Variants in HDAC9 observed in about 807,000 individuals in gnomAD.
HDAC9 encodes histone deacetylase 9, also known as MEF-2 interacting transcription repressor (MITR) protein.
Under a neutral mutation model 139.4 loss-of-function variants are expected in HDAC9, and 41 were observed. The observed-to-expected ratio is 0.29, with a 90% CI of 0.23 to 0.38. The LOEUF (loss-of-function observed/expected upper bound fraction) is 0.38. Among genes scored for constraint, HDAC9 ranks in the 10% least tolerant of loss-of-function variants. The probability of loss-of-function intolerance (pLI) is 1.00; values close to 1 mark genes in which losing one functional copy is unlikely to be tolerated. For missense variants in HDAC9, 1,147 were observed against 1,297.0 expected, an observed-to-expected ratio of 0.88 and a Z score of 1.78; for synonymous variants, 517 against 476.2, an observed-to-expected ratio of 1.09 and a Z score of -1.12.
chr7:18,123,184 A>G (rs1784461427), intron 1 of HDAC9, among the ~76,000 whole-genome samples: 1 of 152,202 alleles, frequency 6.6e-6, no homozygotes, highest in Non-Finnish European at 1.5e-5. Flanking sequence ...TTTGCATTGC[A>G]AGTTGGTACT....
chr7:18,661,301 A>T (rs983759539), intron 11 of HDAC9, among the ~76,000 whole-genome samples: 2 of 152,114 alleles, frequency 1.3e-5, no homozygotes, highest in African/African-American at 4.8e-5. Context: ...TGATCAATAC[A>T]ATTGGGTTAG....
At chr7:18,856,200 C>T (rs1427901254) in intron 21 of HDAC9, among the ~76,000 whole-genome samples, 2 of 151,968 alleles carry the variant, frequency 1.3e-5, no homozygotes, top group African/African-American at 4.8e-5. Context: ...GCTCACAGCC[C>T]CTAAGAAATT....
At chr7:18,661,855 C>A (rs1793272859) in intron 11 of HDAC9, among the ~76,000 whole-genome samples, 1 of 152,036 alleles carries the variant, frequency 6.6e-6, no homozygotes, top group African/African-American at 2.4e-5. Flanking sequence ...AGAATTATTT[C>A]TGTATTGCAT....
Position 18,253,882 on chromosome 7 carries a change from C to A in HDAC9, c.25+91533C>A, listed in dbSNP as rs979116692. 1.8e-4 allele frequency among the ~76,000 whole-genome samples: 28 copies of A among 152,170 alleles called. 1 individual carries two copies. The highest frequency in any genetic ancestry group is 7.4e-5 in the Non-Finnish European group (5 of 68,026). On this transcript the variant is annotated intron_variant, in intron 2 of 12. Coordinates refer to the HDAC9 transcript ENST00000417496. ...TTCATCCAGAACTGGAGGTGCTAGC[C>A]ATCACCTCTGACCACCTTTCCTTAG...
At chr7:18,868,294 T>C (rs1013715756) in intron 21 of HDAC9, among the ~76,000 whole-genome samples, 13 of 152,164 alleles carry the variant, frequency 8.5e-5, no homozygotes, top group African/African-American at 3.1e-4. Flanking sequence ...CAGCTCTTGG[T>C]CTCTGGATCC....
intron 1 of HDAC9, among the ~76,000 whole-genome samples, chr7:18,358,736 G>A: frequency 6.6e-6 from 1 of 152,154 alleles, no homozygotes; most frequent in East Asian, 1.9e-4. Flanking sequence ...CTAGACATTA[G>A]TAGAATTTAC....
At chr7:18,176,545 C>G (rs1185704015) in intron 2 of HDAC9, among the ~76,000 whole-genome samples, 2 of 152,100 alleles carry the variant, frequency 1.3e-5, no homozygotes, top group Admixed American at 6.5e-5. Flanking sequence ...AAAGCCCTGT[C>G]TCCTATCATT....
intron 22 of HDAC9, 138 bp from the exon 23 acceptor site, chr7:18,935,671 T>G (rs1781582735): frequency 4.1e-6 from 3 of 737,868 alleles, no homozygotes; most frequent in Non-Finnish European, 4.5e-6. Context: ...ATCCATAAAG[T>G]TATTTTAAGT....
chr7:18,855,287 T>C (rs927298928), intron 21 of HDAC9, among the ~76,000 whole-genome samples: 1 of 152,148 alleles, frequency 6.6e-6, no homozygotes, highest in Non-Finnish European at 1.5e-5. Flanking sequence ...CCTAGCGTAG[T>C]GTTATTACAG....
chr7:18,993,692 A>C (rs1233127367), intron 25 of HDAC9, among the ~76,000 whole-genome samples: 1 of 151,946 alleles, frequency 6.6e-6, no homozygotes, highest in Non-Finnish European at 1.5e-5. Flanking sequence ...AGTCTCAGCT[A>C]TTCGGGATAC....
intron 14 of HDAC9, among the ~76,000 whole-genome samples, chr7:18,750,892 T>G (rs540935340): frequency 6.6e-6 from 1 of 152,304 alleles, no homozygotes; most frequent in African/African-American, 2.4e-5. Flanking sequence ...TTTTTCACAT[T>G]CACGTTTGTG....
At position 18,321,703 on chromosome 7, in the gene HDAC9, T is replaced by G. The variant is rs1385644975; in HGVS notation, c.-42+31188T>G. On this transcript the variant is annotated intron_variant, in intron 1 of 3. Coordinates refer to the HDAC9 transcript ENST00000413509. ...GGTAGCACATGAATAATTGCCTTAT[T>G]AGCTTTTCTTCTCTTTCCTGAACTA... is the stretch of plus-strand genomic sequence containing the variant. Among the ~76,000 whole-genome samples the G allele has an allele frequency of 2.6e-5, 4 of 152,136 alleles. No individual in the cohort carries two copies. The East Asian group carries it at 7.7e-4, about 29-fold the overall frequency.
At chr7:18,786,597 C>T (rs1049106394) in intron 16 of HDAC9, among the ~76,000 whole-genome samples, 2 of 79,864 alleles carry the variant, frequency 2.5e-5, no homozygotes, top group South Asian at 1.1e-3. Flanking sequence ...TTCCTTCCTT[C>T]CTTCCTTCCT....
At chr7:18,292,837 T>A (rs1331708221) in intron 1 of HDAC9, among the ~76,000 whole-genome samples, 2 of 152,142 alleles carry the variant, frequency 1.3e-5, no homozygotes, top group African/African-American at 4.8e-5. Context: ...ACATGCACAG[T>A]CAGACATTTT....
intron 1 of HDAC9, chr7:18,458,705 C>G: frequency 1.8e-6 from 1 of 540,946 alleles, no homozygotes; most frequent in Non-Finnish European, 3.2e-6. Context: ...GGCAAAACTT[C>G]GATTAATAAA....
chr7:18,598,219 A>G (rs1463885028), intron 6 of HDAC9, among the ~76,000 whole-genome samples: 1 of 152,204 alleles, frequency 6.6e-6, no homozygotes, highest in African/African-American at 2.4e-5. Flanking sequence ...ATTTCTGCAA[A>G]GATATCATTA....
chr7:18,303,338 C>CT (rs1647635690), intron 1 of HDAC9, among the ~76,000 whole-genome samples: 1 of 150,022 alleles, frequency 6.7e-6, no homozygotes, highest in Non-Finnish European at 1.5e-5. Context: ...TTCCGAGTGG[C>CT]TGGGACTACA....
At chr7:18,977,864 T>G (rs1355595039) in intron 25 of HDAC9, among the ~76,000 whole-genome samples, 1 of 151,742 alleles carries the variant, frequency 6.6e-6, no homozygotes, top group Non-Finnish European at 1.5e-5. Flanking sequence ...CTTCTAGAAC[T>G]GGCTCTTGCA....
intron 1 of HDAC9, among the ~76,000 whole-genome samples, chr7:18,448,820 A>G (rs1360298256): frequency 6.6e-6 from 1 of 152,146 alleles, no homozygotes; most frequent in Non-Finnish European, 1.5e-5. Context: ...AGGCTCCTGA[A>G]ATTCTGGTAG....
Sources: gnomAD v4.1 joint callset for allele counts (sites outside exome capture counted in the v4.1 genomes callset) on GRCh38, gnomAD v4.1.1 for gene constraint, MANE v1.5 for transcripts, NCBI Gene and HGNC (gene_info 2026-07-23, HGNC 2026-07-21) for gene names.